Variants in NKAIN3 observed in about 807,000 individuals in gnomAD.
The protein encoded by NKAIN3 is sodium/potassium transporting ATPase interacting 3.
NKAIN3 carries 25 observed loss-of-function variants against 30.2 expected under a neutral mutation model. The ratio of observed to expected loss-of-function variants is 0.83; its 90% CI spans 0.60 to 1.16. The LOEUF (loss-of-function observed/expected upper bound fraction) is 1.16, where lower values mean the gene tolerates loss of function less well. Ranked by LOEUF, NKAIN3 falls within the 50% of genes most tolerant of loss-of-function variation. The pLI, the probability that NKAIN3 is intolerant of heterozygous loss-of-function variation, is 0.00. For synonymous variants in NKAIN3, 91 were observed against 89.6 expected (o/e 1.02, Z -0.09); for missense variants, 225 against 254.1 (o/e 0.89, Z 0.78).
At chr8:62,883,551 A>G (rs1821059153) in intron 4 of NKAIN3, among the ~76,000 whole-genome samples, 1 of 136,380 alleles carries the variant, frequency 7.3e-6, no homozygotes, top group Non-Finnish European at 1.6e-5. Context: ...CCTCTTATTT[A>G]TTTTTGTTGT....
intron 4 of NKAIN3, among the ~76,000 whole-genome samples, chr8:62,753,708 G>A (rs955932667): frequency 6.6e-6 from 1 of 152,094 alleles, no homozygotes; most frequent in Non-Finnish European, 1.5e-5. Context: ...AGCAGTCTTT[G>A]TCTCAAAGAC....
chr8:62,249,481 T>A (rs1464651181), intron 1 of NKAIN3, among the ~76,000 whole-genome samples: 1 of 152,248 alleles, frequency 6.6e-6, no homozygotes, highest in Non-Finnish European at 1.5e-5. Flanking sequence ...TCCGCGTTCG[T>A]GCTGAAGTTA....
At chr8:62,302,714 G>C (rs757820753) in intron 1 of NKAIN3, among the ~76,000 whole-genome samples, 3 of 151,964 alleles carry the variant, frequency 2.0e-5, no homozygotes, top group Non-Finnish European at 2.9e-5. Flanking sequence ...TGAAAAAGCT[G>C]TCAACTGATC....
intron 3 of NKAIN3, among the ~76,000 whole-genome samples, chr8:62,668,699 G>A (rs1366356319): frequency 6.6e-6 from 1 of 151,874 alleles, no homozygotes; most frequent in Non-Finnish European, 1.5e-5. Context: ...ACCTGTGAAA[G>A]GTGAAGGAAA....
At chr8:62,763,260 A>AAAAAACTT (rs1816729714) in intron 4 of NKAIN3, among the ~76,000 whole-genome samples, 1 of 140,696 alleles carries the variant, frequency 7.1e-6, no homozygotes, top group Non-Finnish European at 1.6e-5. Flanking sequence ...AAAAAAAAAA[A>AAAAAACTT]ACTTATATAG....
chr8:62,562,669 T>TA (rs1293491130), intron 1 of NKAIN3, among the ~76,000 whole-genome samples: 1 of 152,156 alleles, frequency 6.6e-6, no homozygotes, highest in Non-Finnish European at 1.5e-5. Context: ...GTGTGTTACT[T>TA]AAGCGTTTCT....
At chr8:62,630,816 CCTT>C (rs769492684) in intron 3 of NKAIN3, among the ~76,000 whole-genome samples, 3 of 152,164 alleles carry the variant, frequency 2.0e-5, no homozygotes, top group Non-Finnish European at 4.4e-5. Flanking sequence ...ACCTTCAACT[CCTT>C]CTAGAAATCA....
chr8:62,853,132 G>T (rs192345638), intron 4 of NKAIN3, among the ~76,000 whole-genome samples: 3 of 152,256 alleles, frequency 2.0e-5, no homozygotes, highest in Admixed American at 2.0e-4. Flanking sequence ...ATGAATCTGG[G>T]TGCTCCTGTA....
chr8:62,738,954 T>C (rs1356372280), intron 3 of NKAIN3, among the ~76,000 whole-genome samples: 2 of 152,202 alleles, frequency 1.3e-5, no homozygotes, highest in Non-Finnish European at 2.9e-5. Context: ...GATGAGTTCA[T>C]GTCCTTTGCA....
At chr8:62,430,890 C>T (rs1175138781) in intron 1 of NKAIN3, among the ~76,000 whole-genome samples, 1 of 151,796 alleles carries the variant, frequency 6.6e-6, no homozygotes, top group Non-Finnish European at 1.5e-5. Flanking sequence ...TGGAAATTCA[C>T]ATAGATGTTC....
intron 3 of NKAIN3, among the ~76,000 whole-genome samples, chr8:62,703,952 A>T (rs1361024864): frequency 6.6e-6 from 1 of 151,856 alleles, no homozygotes; most frequent in Non-Finnish European, 1.5e-5. Context: ...CTGTTCATAT[A>T]CTCTAAAATT....
chr8:62,659,475 C>G (rs1212740385), intron 3 of NKAIN3, among the ~76,000 whole-genome samples: 1 of 152,188 alleles, frequency 6.6e-6, no homozygotes, highest in Non-Finnish European at 1.5e-5. Flanking sequence ...TTTTAAGGAG[C>G]TTAATGTGAC....
intron 4 of NKAIN3, among the ~76,000 whole-genome samples, chr8:62,848,592 A>G (rs1320411737): frequency 6.6e-6 from 1 of 152,138 alleles, no homozygotes; most frequent in African/African-American, 2.4e-5. Flanking sequence ...GATATTCTAG[A>G]CATAGGATCA....
At chr8:62,559,184 AT>A (rs2129969862) in intron 1 of NKAIN3, among the ~76,000 whole-genome samples, 1 of 152,064 alleles carries the variant, frequency 6.6e-6, no homozygotes, top group South Asian at 2.1e-4. Flanking sequence ...TTGTTTGATT[AT>A]ATTGGTAATT....
intron 3 of NKAIN3, among the ~76,000 whole-genome samples, chr8:62,600,616 G>T (rs890535003): frequency 6.6e-6 from 1 of 151,986 alleles, no homozygotes; most frequent in Non-Finnish European, 1.5e-5. Context: ...CTACACAGAA[G>T]GAAAACCCAC....
intron 1 of NKAIN3, among the ~76,000 whole-genome samples, chr8:62,280,581 T>G (rs7813487): frequency 1.2e-4 from 19 of 152,190 alleles, no homozygotes; most frequent in Admixed American, 1.2e-3. Context: ...GTTTTTAGCA[T>G]GAAGGGCTAT....
intron 4 of NKAIN3, among the ~76,000 whole-genome samples, chr8:62,888,527 A>G (rs1353036433): frequency 1.3e-5 from 2 of 152,212 alleles, no homozygotes; most frequent in Non-Finnish European, 2.9e-5. Context: ...ACCTACGTGC[A>G]TATCTCCAAT....
chr8:62,828,687 G>C (rs1351745414), intron 4 of NKAIN3, among the ~76,000 whole-genome samples: 4 of 152,208 alleles, frequency 2.6e-5, no homozygotes, highest in African/African-American at 7.2e-5. Context: ...CAGAGGAAAT[G>C]TTACTATGTC....
chr8:62,441,834 A>T (rs1805334164), intron 1 of NKAIN3, among the ~76,000 whole-genome samples: 1 of 152,076 alleles, frequency 6.6e-6, no homozygotes, highest in Non-Finnish European at 1.5e-5. Flanking sequence ...CCTTTAAAAA[A>T]TATGTACCAA....
Sources: allele counts gnomAD v4.1 joint callset (sites outside exome capture counted in the v4.1 genomes callset), GRCh38; gene constraint gnomAD v4.1.1; transcripts MANE v1.5; gene names NCBI Gene and HGNC (gene_info 2026-07-23, HGNC 2026-07-21).